Variants in CYTH1 observed in about 807,000 individuals in gnomAD.
The protein encoded by CYTH1 is cytohesin 1, also known as cytohesin-1.
In CYTH1, 18 loss-of-function variants were observed where a neutral mutation model predicts 61.8. That is an observed-to-expected ratio of 0.29 (90% CI 0.20 to 0.43). CYTH1 has a LOEUF of 0.43. Ranked by LOEUF, CYTH1 falls within the 20% of genes least tolerant of loss-of-function variation. The pLI is 1.00. For synonymous variants in CYTH1, 174 were observed against 184.3 expected, an observed-to-expected ratio of 0.94 and a Z score of 0.45; for missense variants, 336 against 510.5, an observed-to-expected ratio of 0.66 and a Z score of 3.29.
At chr17:78,687,891 T>C (rs557876313) in intron 11 of CYTH1, among the ~76,000 whole-genome samples, 1 of 152,346 alleles carries the variant, frequency 6.6e-6, no homozygotes, top group African/African-American at 2.4e-5. Context: ...GAAGTGGCTG[T>C]TGCAACTCAG....
chr17:78,729,796 C>G (rs1598889925), intron 1 of CYTH1, among the ~76,000 whole-genome samples: 1 of 152,200 alleles, frequency 6.6e-6, no homozygotes, highest in African/African-American at 2.4e-5. Flanking sequence ...AATACCTTCT[C>G]ACAAGTAACA....
In CYTH1 at chr17:78,701,810, A is replaced by C. The variant is rs1321132291; in HGVS notation, c.357-59T>G. 2.6e-6 allele frequency: 4 copies of C among 1,556,232 alleles called. No homozygotes were observed. In the South Asian group the frequency reaches 4.5e-5, roughly 17 times the overall value. The stretch of plus-strand genomic sequence containing the variant: ...CAGGAGTCAGGCACCAACACTGAGA[A>C]TCTCCAGCCAGGCCATGTCTCCTAC... On this transcript the variant is annotated intron_variant, in intron 5 of 13. Coordinates refer to ENST00000446868, the MANE Select transcript of CYTH1 (RefSeq NM_004762.6).
intron 11 of CYTH1, among the ~76,000 whole-genome samples, chr17:78,682,538 A>T (rs1188285561): frequency 6.6e-6 from 1 of 152,102 alleles, no homozygotes; most frequent in East Asian, 1.9e-4. Context: ...GGTTTCCTAC[A>T]GCCAAGGCCT....
chr17:78,764,977 G>C (rs1016584546), intron 1 of CYTH1, among the ~76,000 whole-genome samples: 1 of 152,022 alleles, frequency 6.6e-6, no homozygotes, highest in African/African-American at 2.4e-5. Flanking sequence ...AGAGAGGAGG[G>C]GGGCACTGGC....
intron 11 of CYTH1, among the ~76,000 whole-genome samples, chr17:78,684,434 C>CA (rs2092795859): frequency 6.6e-6 from 1 of 152,258 alleles, no homozygotes; most frequent in South Asian, 2.1e-4. Flanking sequence ...AGGCAGGCTG[C>CA]ACCCCTCAGT....
At chr17:78,779,400 CAAAAAAAAAAAAAA>C (rs56061178) in intron 1 of CYTH1, among the ~76,000 whole-genome samples, 18 of 84,206 alleles carry the variant, frequency 2.1e-4, no homozygotes, top group Non-Finnish European at 4.0e-4. Flanking sequence ...AACTCCATCT[CAAAAAAAAAAAAAA>C]AAAAAAAAAG....
intron 10 of CYTH1, 111 bp downstream of exon 10, chr17:78,695,896 C>T (rs2092933133): frequency 7.5e-7 from 1 of 1,330,592 alleles, no homozygotes; most frequent in Non-Finnish European, 1.0e-6. Context: ...GCAGCATTAA[C>T]ACTACCACCG....
chr17:78,736,063 C>G (rs577850382), intron 1 of CYTH1, among the ~76,000 whole-genome samples: 2 of 152,368 alleles, frequency 1.3e-5, no homozygotes, highest in African/African-American at 4.8e-5. Context: ...AGGCTTCAAA[C>G]AGTCCTCACC....
intron 1 of CYTH1, among the ~76,000 whole-genome samples, chr17:78,777,845 A>G (rs2093499177): frequency 1.3e-5 from 2 of 151,662 alleles, no homozygotes; most frequent in African/African-American, 4.8e-5. Flanking sequence ...AAAAAAAAAA[A>G]GAAAGAATTC....
intron 6 of CYTH1, 24 bp downstream of exon 6, chr17:78,701,647 G>C: frequency 6.2e-7 from 1 of 1,612,318 alleles, no homozygotes; most frequent in Non-Finnish European, 8.5e-7. Context: ...TCCTTCCAAA[G>C]GGGCTCACCT....
intron 1 of CYTH1, among the ~76,000 whole-genome samples, chr17:78,750,586 A>G (rs2093376080): frequency 6.6e-6 from 1 of 152,178 alleles, no homozygotes. Context: ...AGGCGGGTGG[A>G]TCACGAGGTC....
At chr17:78,711,307 ATAT>A (rs2093129127) in intron 1 of CYTH1, among the ~76,000 whole-genome samples, 1 of 115,912 alleles carries the variant, frequency 8.6e-6, no homozygotes, top group African/African-American at 3.3e-5. Flanking sequence ...TAAATAATAT[ATAT>A]ATATACACAC....
rs535643306 is a variant in CYTH1, at chr17:78,694,213, G to A, written c.815-1720C>T. On this transcript the variant is annotated intron_variant, in intron 10 of 13. Coordinates refer to ENST00000446868, the MANE Select transcript of CYTH1 (RefSeq NM_004762.6). Reference sequence around the variant, plus strand: ...CACCCTGCTTGGATGCTGAACCCTAGGCGGGCTTACGTGACTGATCATTAA... The same window carrying A: ...CACCCTGCTTGGATGCTGAACCCTAAGCGGGCTTACGTGACTGATCATTAA... Among the ~76,000 whole-genome samples, 4 of 152,366 alleles carry A rather than the reference G, an allele frequency of 2.6e-5. No individual in the cohort carries two copies. The South Asian group carries it at 8.3e-4, about 32-fold the overall frequency.
Position 78,760,515 on chromosome 17 carries a change from ATG to A in CYTH1, c.22+21685_22+21686del, listed in dbSNP as rs1299957397. ...TATATATACATATATATGTATATATATGTATATATATATATACATACATATAT... is the reference window on the plus strand; with the variant it reads ...TATATATACATATATATGTATATATATATATATATATATACATACATATAT... On this transcript the variant is annotated intron_variant, in intron 1 of 13. Transcript: ENST00000446868. 2.8e-4 allele frequency among the ~76,000 whole-genome samples: 14 copies of A among 49,600 alleles called. 2 individuals carry two copies. The highest frequency in any genetic ancestry group is 6.6e-4 in the Admixed American group (3 of 4,522). 32.5% of individuals were successfully genotyped at this position (49,600 alleles called of 152,430 possible). A position where few individuals can be genotyped will look rare whatever the true frequency, so the allele number is the denominator to read the frequency against.
intron 1 of CYTH1, among the ~76,000 whole-genome samples, chr17:78,779,459 T>C (rs537094318): frequency 1.3e-5 from 2 of 151,424 alleles, no homozygotes; most frequent in South Asian, 4.2e-4. Context: ...CTTTCTCATC[T>C]TCGTGTGTGG....
intron 3 of CYTH1, among the ~76,000 whole-genome samples, chr17:78,703,458 TA>T (rs1488296084): frequency 6.6e-6 from 1 of 151,438 alleles, no homozygotes; most frequent in Non-Finnish European, 1.5e-5. Flanking sequence ...ATAATTTACT[TA>T]TAATACTCCT....
intron 1 of CYTH1, among the ~76,000 whole-genome samples, chr17:78,725,121 C>T (rs1486911723): frequency 2.0e-5 from 3 of 152,100 alleles, no homozygotes; most frequent in South Asian, 2.1e-4. Context: ...TCCACTTTCC[C>T]GGGATCCACC....
chr17:78,696,381 T>C (rs1157088909), intron 9 of CYTH1, among the ~76,000 whole-genome samples: 1 of 152,264 alleles, frequency 6.6e-6, no homozygotes, highest in African/African-American at 2.4e-5. Flanking sequence ...AAATTAAATG[T>C]CTTTCTTGAG....
chr17:78,727,570 TGG>T, intron 1 of CYTH1: 1 of 407,500 alleles, frequency 2.5e-6, no homozygotes, highest in Non-Finnish European at 5.3e-6. Flanking sequence ...TGCAAAAGTT[TGG>T]GAGAGGTGTA....
Sources: gnomAD v4.1 joint callset for allele counts (sites outside exome capture counted in the v4.1 genomes callset) on GRCh38, gnomAD v4.1.1 for gene constraint, MANE v1.5 for transcripts, NCBI Gene and HGNC (gene_info 2026-07-23, HGNC 2026-07-21) for gene names.